Variants in PTK2 observed in about 807,000 individuals in gnomAD.
PTK2 encodes the protein protein tyrosine kinase 2.
A neutral mutation model predicts 150.1 loss-of-function variants in PTK2; 45 were observed. The ratio of observed to expected loss-of-function variants is 0.30; its 90% CI spans 0.24 to 0.38. The LOEUF is 0.38. PTK2 is among the 10% of genes least tolerant of loss of function. The pLI is 1.00. For synonymous variants in PTK2, 432 were observed against 449.2 expected (o/e 0.96, Z 0.48); for missense variants, 919 against 1,307.3 (o/e 0.70, Z 4.58).
intron 8 of PTK2, among the ~76,000 whole-genome samples, chr8:140,824,458 G>A (rs149377705): frequency 6.6e-6 from 1 of 152,262 alleles, no homozygotes; most frequent in East Asian, 1.9e-4. Context: ...GTTTCCTATG[G>A]ACACAGAAAC....
At position 140,902,938 on chromosome 8, in the gene PTK2, T is replaced by G. The variant is rs867684688; in HGVS notation, c.-32-12169A>C. 1.9e-3 allele frequency among the ~76,000 whole-genome samples: 254 copies of G among 137,018 alleles called. 1 individual carries two copies. Among genetic ancestry groups the G allele is most frequent in the African/African-American group, 6.1e-3 (220 of 36,144 alleles). 89.9% of individuals were successfully genotyped at this position (137,018 alleles called of 152,430 possible). ...TGATGAGAGTTGTTTTTTTTTTTTT[T>G]TTTTTTTTTTTTTTTTTTTTTGCCA... On this transcript the variant is annotated intron_variant, in intron 2 of 31. Coordinates refer to ENST00000522684, the Ensembl canonical transcript of PTK2.
At chr8:140,756,487 C>T (rs1309591985) in intron 16 of PTK2, among the ~76,000 whole-genome samples, 5 of 151,386 alleles carry the variant, frequency 3.3e-5, no homozygotes, top group Admixed American at 3.3e-4. Flanking sequence ...CACCTGAAGT[C>T]AGGGGTTCAA....
At chr8:140,976,941 A>G (rs2100189453) in intron 1 of PTK2, among the ~76,000 whole-genome samples, 1 of 152,220 alleles carries the variant, frequency 6.6e-6, no homozygotes, top group Non-Finnish European at 1.5e-5. Flanking sequence ...TTCTGACTAC[A>G]ATCCAATTCT....
chr8:140,850,802 A>G (rs1320397865), intron 5 of PTK2, among the ~76,000 whole-genome samples: 1 of 152,216 alleles, frequency 6.6e-6, no homozygotes, highest in Non-Finnish European at 1.5e-5. Context: ...ATTTGTATCA[A>G]GGAGTTCCTT....
chr8:140,990,026 G>C (rs969278023), intron 1 of PTK2, among the ~76,000 whole-genome samples: 1 of 152,084 alleles, frequency 6.6e-6, no homozygotes, highest in East Asian at 1.9e-4. Flanking sequence ...GGTTATAAGA[G>C]CAGAGAAGAG....
At chr8:140,666,021 G>A (rs2091054685) in intron 30 of PTK2, among the ~76,000 whole-genome samples, 1 of 152,202 alleles carries the variant, frequency 6.6e-6, no homozygotes, top group Non-Finnish European at 1.5e-5. Flanking sequence ...CTGTTGCAAA[G>A]ATTGCTAATA....
At chr8:140,743,411 A>T (rs1250723061) in intron 19 of PTK2, 81 bp from the exon 23 acceptor site, 12 of 1,055,680 alleles carry the variant, frequency 1.1e-5, no homozygotes, top group Non-Finnish European at 1.7e-5. Flanking sequence ...ACATACCAAT[A>T]GGCACTTTGA....
chr8:140,993,747 T>C (rs1355099265), intron 1 of PTK2, among the ~76,000 whole-genome samples: 4 of 152,208 alleles, frequency 2.6e-5, no homozygotes, highest in Non-Finnish European at 4.4e-5. Flanking sequence ...TTTTCTTTTT[T>C]GAGACAGAGT....
intron 2 of PTK2, among the ~76,000 whole-genome samples, chr8:140,909,364 A>C: frequency 6.6e-6 from 1 of 152,236 alleles, no homozygotes; most frequent in East Asian, 1.9e-4. Context: ...TCCATGAGTA[A>C]GACCCTATAG....
chr8:140,771,869 C>T (rs1234398193), intron 14 of PTK2, among the ~76,000 whole-genome samples: 1 of 151,774 alleles, frequency 6.6e-6, no homozygotes, highest in Non-Finnish European at 1.5e-5. Flanking sequence ...CAACCTCTGC[C>T]TCCGGGTTCA....
In PTK2 at chr8:140,796,881, C is replaced by T. The variant is rs562501139; in HGVS notation, c.1094-3497G>A. ...ACACAAGTTTGGAGATACACACACA[C>T]ACACACATTTACATGTAGGTTTTTA... On this transcript the variant is annotated intron_variant, in intron 12 of 31. Transcript: ENST00000522684. 1.1e-3 allele frequency among the ~76,000 whole-genome samples: 173 copies of T among 152,324 alleles called. 1 individual carries two copies. Among genetic ancestry groups the T allele is most frequent in the South Asian group, 6.8e-3 (33 of 4,826 alleles).
intron 27 of PTK2, among the ~76,000 whole-genome samples, chr8:140,682,986 AAGAG>A (rs1301691877): frequency 1.3e-5 from 2 of 152,218 alleles, no homozygotes; most frequent in Non-Finnish European, 2.9e-5. Flanking sequence ...AACAGAAAAC[AAGAG>A]ATACCCAAAA....
intron 7 of PTK2, among the ~76,000 whole-genome samples, chr8:140,833,954 C>T (rs2100117104): frequency 6.6e-6 from 1 of 152,100 alleles, no homozygotes; most frequent in South Asian, 2.1e-4. Flanking sequence ...CTGTGTTGTC[C>T]AATATACAAC....
At chr8:140,658,187 T>C (rs1332312532) in exon 32 of PTK2, 1 of 153,664 alleles carries the variant, frequency 6.5e-6, no homozygotes, top group East Asian at 1.8e-4. Flanking sequence ...ATTTAATAGG[T>C]GACGATGGAA....
chr8:140,719,169 C>T (rs1301015447), intron 22 of PTK2, among the ~76,000 whole-genome samples: 1 of 151,862 alleles, frequency 6.6e-6, no homozygotes, highest in African/African-American at 2.4e-5. Context: ...GAATGAGACT[C>T]CACCTCAAAA....
intron 1 of PTK2, among the ~76,000 whole-genome samples, chr8:140,930,200 G>C (rs1038104825): frequency 1.3e-5 from 2 of 152,190 alleles, no homozygotes; most frequent in African/African-American, 2.4e-5. Flanking sequence ...ATAAACCTCG[G>C]AACACCAAAA....
intron 22 of PTK2, among the ~76,000 whole-genome samples, chr8:140,729,856 C>T (rs2100048153): frequency 6.6e-6 from 1 of 152,146 alleles, no homozygotes; most frequent in Non-Finnish European, 1.5e-5. Flanking sequence ...GTCCTTCTAT[C>T]AGGTGCCTAA....
intron 7 of PTK2, among the ~76,000 whole-genome samples, chr8:140,831,831 AG>A (rs1382808444): frequency 6.6e-6 from 1 of 152,120 alleles, no homozygotes; most frequent in Non-Finnish European, 1.5e-5. Flanking sequence ...TTGGATATGA[AG>A]GGGGGAAAAG....
intron 29 of PTK2, among the ~76,000 whole-genome samples, chr8:140,673,619 T>G (rs1453284980): frequency 6.6e-6 from 1 of 152,136 alleles, no homozygotes; most frequent in Non-Finnish European, 1.5e-5. Context: ...AAGAAGAGCC[T>G]CCTCCGTCAG....
Sources: gnomAD v4.1 joint callset for allele counts (sites outside exome capture counted in the v4.1 genomes callset) on GRCh38, gnomAD v4.1.1 for gene constraint, MANE v1.5 for transcripts, NCBI Gene and HGNC (gene_info 2026-07-23, HGNC 2026-07-21) for gene names.